DAB1: variants seen among roughly 807,000 people sequenced by gnomAD.
DAB1 encodes DAB adaptor protein 1.
DAB1 carries 15 observed loss-of-function variants against 64.6 expected under a neutral mutation model. The observed-to-expected ratio is 0.23, with a 90% CI of 0.16 to 0.36. The LOEUF (loss-of-function observed/expected upper bound fraction) is 0.36. Among genes scored for constraint, DAB1 ranks in the 10% least tolerant of loss-of-function variants. The pLI is 1.00. For synonymous variants in DAB1, 235 were observed against 251.9 expected (o/e 0.93, Z 0.64); for missense variants, 596 against 706.7 (o/e 0.84, Z 1.78).
At chr1:57,109,413 T>C (rs1418806818) in intron 4 of DAB1, among the ~76,000 whole-genome samples, 2 of 152,152 alleles carry the variant, frequency 1.3e-5, no homozygotes, top group African/African-American at 2.4e-5. Context: ...AGTGACCTCT[T>C]GATTTGACTC....
chr1:57,976,848 T>A (rs1165742996), intron 5 of DAB1, among the ~76,000 whole-genome samples: 1 of 152,148 alleles, frequency 6.6e-6, no homozygotes, highest in Non-Finnish European at 1.5e-5. Context: ...TGACATTAAG[T>A]CTTGTTGAGT....
intron 1 of DAB1, among the ~76,000 whole-genome samples, chr1:57,845,478 T>C (rs1315761074): frequency 6.6e-6 from 1 of 152,224 alleles, no homozygotes; most frequent in African/African-American, 2.4e-5. Flanking sequence ...GGAAAGAGAA[T>C]GAATTCTCCA....
At chr1:57,601,263 A>G (rs995283324) in intron 7 of DAB1, among the ~76,000 whole-genome samples, 10 of 152,090 alleles carry the variant, frequency 6.6e-5, no homozygotes, top group African/African-American at 2.4e-4. Flanking sequence ...TGAAATTTCT[A>G]AGCTTCAGCT....
chr1:57,553,077 G>T (rs953427355), intron 7 of DAB1, among the ~76,000 whole-genome samples: 1 of 151,954 alleles, frequency 6.6e-6, no homozygotes, highest in African/African-American at 2.4e-5. Context: ...AGTAGGGCTG[G>T]AGAGGTGCAG....
At chr1:57,659,072 C>G (rs1261848353) in intron 6 of DAB1, among the ~76,000 whole-genome samples, 2 of 152,104 alleles carry the variant, frequency 1.3e-5, no homozygotes, top group Non-Finnish European at 2.9e-5. Flanking sequence ...GGCAAAAATT[C>G]TTTTGCCCCA....
intron 7 of DAB1, among the ~76,000 whole-genome samples, chr1:57,469,423 A>G (rs935860715): frequency 6.6e-6 from 1 of 152,094 alleles, no homozygotes; most frequent in African/African-American, 2.4e-5. Flanking sequence ...AAGTTGGGAC[A>G]TTTCTATCTC....
chr1:58,252,248 G>A (rs1250066836), intron 4 of DAB1, among the ~76,000 whole-genome samples: 4 of 152,172 alleles, frequency 2.6e-5, no homozygotes, highest in Non-Finnish European at 4.4e-5. Context: ...CCTGTTTGTT[G>A]AGTCCATGAA....
intron 5 of DAB1, among the ~76,000 whole-genome samples, chr1:58,118,166 C>T (rs924085021): frequency 1.3e-5 from 2 of 151,456 alleles, no homozygotes; most frequent in Non-Finnish European, 2.9e-5. Context: ...TTGGCTTGGC[C>T]TTCCAAAGTG....
intron 5 of DAB1, among the ~76,000 whole-genome samples, chr1:57,938,505 G>C (rs1159161266): frequency 6.6e-6 from 1 of 152,070 alleles, no homozygotes; most frequent in Non-Finnish European, 1.5e-5. Context: ...GGTTTTATAA[G>C]GGTCTCTTCC....
At chr1:57,559,631 G>A (rs1194434330) in intron 7 of DAB1, among the ~76,000 whole-genome samples, 1 of 152,168 alleles carries the variant, frequency 6.6e-6, no homozygotes, top group Admixed American at 6.5e-5. Flanking sequence ...TTTTAGCTCA[G>A]GTCTGACTTA....
At chr1:57,695,273 G>GGAGAGAGAGAGAAAGA (rs1557427566) in intron 6 of DAB1, among the ~76,000 whole-genome samples, 1 of 76,428 alleles carries the variant, frequency 1.3e-5, no homozygotes, top group African/African-American at 5.2e-5. Context: ...AGGAAGGAAG[G>GGAGAGAGAGAGAAAGA]AAGGAAGGAA....
chr1:57,130,035 C>A (rs538362908), intron 4 of DAB1, among the ~76,000 whole-genome samples: 1 of 151,672 alleles, frequency 6.6e-6, no homozygotes, highest in South Asian at 2.1e-4. Flanking sequence ...ATCCAGGGTA[C>A]CTTGTGTGGA....
At chr1:58,407,242 G>A (rs764316798) in intron 3 of DAB1, among the ~76,000 whole-genome samples, 20 of 152,102 alleles carry the variant, frequency 1.3e-4, no homozygotes, top group Non-Finnish European at 1.2e-4. Flanking sequence ...CTGGGAGAAG[G>A]AATGGTTAGT....
At chr1:57,871,421 C>A (rs542799567) in intron 1 of DAB1, among the ~76,000 whole-genome samples, 1 of 152,004 alleles carries the variant, frequency 6.6e-6, no homozygotes, top group East Asian at 1.9e-4. Context: ...AAATTGAAGC[C>A]CAGAGAAATT....
chr1:58,517,849 G>A (rs1009443871), intron 2 of DAB1, among the ~76,000 whole-genome samples: 3 of 151,812 alleles, frequency 2.0e-5, no homozygotes, highest in Non-Finnish European at 4.4e-5. Context: ...GAAAAGTCTG[G>A]AGGAAAATTC....
At chr1:58,540,229 T>C (rs1414016682) in intron 1 of DAB1, among the ~76,000 whole-genome samples, 2 of 150,758 alleles carry the variant, frequency 1.3e-5, no homozygotes, top group Non-Finnish European at 3.0e-5. Flanking sequence ...TAACAAATAT[T>C]AAAAGCAACC....
intron 2 of DAB1, among the ~76,000 whole-genome samples, chr1:57,176,976 A>C (rs1269571534): frequency 3.1e-5 from 4 of 127,514 alleles, no homozygotes; most frequent in East Asian, 2.2e-4. Flanking sequence ...CAGATATAAA[A>C]AAAAAAAAAA....
At chr1:57,121,626 C>A (rs565366292) in intron 4 of DAB1, among the ~76,000 whole-genome samples, 13 of 152,222 alleles carry the variant, frequency 8.5e-5, no homozygotes, top group South Asian at 2.1e-4. Flanking sequence ...ATTATGAAGT[C>A]TTTGCCTATG....
intron 4 of DAB1, among the ~76,000 whole-genome samples, chr1:58,152,178 C>T (rs769615496): frequency 5.7e-4 from 87 of 152,146 alleles, no homozygotes; most frequent in Non-Finnish European, 9.3e-4. Flanking sequence ...AGGATACACA[C>T]GGAAAGGGAA....
Sources: gnomAD v4.1 joint callset for allele counts (sites outside exome capture counted in the v4.1 genomes callset) on GRCh38, gnomAD v4.1.1 for gene constraint, MANE v1.5 for transcripts, NCBI Gene and HGNC (gene_info 2026-07-23, HGNC 2026-07-21) for gene names.